Variants in DRC8 observed in about 807,000 individuals in gnomAD.
DRC8 encodes the protein dynein regulatory complex subunit 8.
chr1:245,104,550 C>T, the DRC8 span, among the ~76,000 whole-genome samples: 1 of 151,886 alleles, frequency 6.6e-6, no homozygotes, highest in African/African-American at 2.4e-5. Context: ...AAATGGACCC[C>T]CGTGTATTTA....
chr1:245,053,350 A>G, the DRC8 span, among the ~76,000 whole-genome samples: 2 of 152,156 alleles, frequency 1.3e-5, no homozygotes, highest in Non-Finnish European at 2.9e-5. Flanking sequence ...GAGAGAGGAA[A>G]AGCATTGTGC....
chr1:245,006,963 A>G, the DRC8 span, among the ~76,000 whole-genome samples: 2 of 102,046 alleles, frequency 2.0e-5, no homozygotes, highest in East Asian at 4.6e-4. Context: ...CAACAACAAC[A>G]ACAACAAAAA....
chr1:245,118,589 C>T, the DRC8 span, among the ~76,000 whole-genome samples: 3 of 151,934 alleles, frequency 2.0e-5, no homozygotes, highest in Non-Finnish European at 2.9e-5. Context: ...GTCGGGAGTA[C>T]GAGATCAGCC....
the DRC8 span, among the ~76,000 whole-genome samples, chr1:244,978,319 C>T: frequency 2.0e-5 from 3 of 152,040 alleles, no homozygotes. Flanking sequence ...CACGGGAAAA[C>T]CCCGTCTCTA....
the DRC8 span, among the ~76,000 whole-genome samples, chr1:245,098,406 C>G: frequency 1.3e-5 from 2 of 152,064 alleles, no homozygotes; most frequent in African/African-American, 4.8e-5. Context: ...AAGAGAAGGG[C>G]TCCGAGGGCT....
chr1:245,113,823 C>A, the DRC8 span, among the ~76,000 whole-genome samples: 1 of 151,910 alleles, frequency 6.6e-6, no homozygotes, highest in Non-Finnish European at 1.5e-5. Flanking sequence ...CTCTTGTCCC[C>A]AGTTTAGTTA....
chr1:244,995,732 A>T, the DRC8 span, among the ~76,000 whole-genome samples: 2 of 152,160 alleles, frequency 1.3e-5, no homozygotes, highest in Non-Finnish European at 2.9e-5. Context: ...TATCTAGATT[A>T]CCCAGTTTAT....
At chr1:245,122,568 C>T in the DRC8 span, 8 of 152,366 alleles carry the variant, frequency 5.3e-5, no homozygotes, top group South Asian at 2.1e-4. Context: ...AAGGGGTCCT[C>T]GCGCCTCAGC....
the DRC8 span, among the ~76,000 whole-genome samples, chr1:244,994,313 T>C: frequency 3.9e-5 from 6 of 152,222 alleles, no homozygotes; most frequent in Admixed American, 2.0e-4. Context: ...AAATTTTTCA[T>C]AGGTCTCCCA....
the DRC8 span, among the ~76,000 whole-genome samples, chr1:245,080,458 TG>T: frequency 2.6e-5 from 4 of 152,246 alleles, no homozygotes; most frequent in Non-Finnish European, 4.4e-5. Flanking sequence ...CGTATTATGA[TG>T]ATTTAAGATG....
chr1:245,043,157 T>C, the DRC8 span, among the ~76,000 whole-genome samples: 92,814 of 151,994 alleles, frequency 0.61, 29,223 homozygotes, highest in East Asian at 0.73. Flanking sequence ...GTTGACTGAG[T>C]GCGGTGGCTC....
At chr1:244,984,131 G>T in the DRC8 span, among the ~76,000 whole-genome samples, 28 of 151,858 alleles carry the variant, frequency 1.8e-4, no homozygotes, top group Admixed American at 6.6e-4. Flanking sequence ...ATTTTTTTGG[G>T]GGGGGGGAAT....
the DRC8 span, among the ~76,000 whole-genome samples, chr1:245,061,595 GA>G: frequency 6.6e-6 from 1 of 151,724 alleles, no homozygotes; most frequent in Non-Finnish European, 1.5e-5. Flanking sequence ...AAATGGGTGG[GA>G]AAAAAGCACA....
chr1:245,052,295 A>G, the DRC8 span, among the ~76,000 whole-genome samples: 52 of 152,260 alleles, frequency 3.4e-4, no homozygotes, highest in African/African-American at 1.2e-3. Flanking sequence ...AGAAAGTGAA[A>G]ATTGAGATGT....
At chr1:245,002,892 C>G in the DRC8 span, among the ~76,000 whole-genome samples, 1 of 152,110 alleles carries the variant, frequency 6.6e-6, no homozygotes, top group Non-Finnish European at 1.5e-5. Context: ...CCACCACCAT[C>G]CAACTTCAGA....
At chr1:244,970,018 A>G in the DRC8 span, 1 of 560,762 alleles carries the variant, frequency 1.8e-6, no homozygotes, top group Non-Finnish European at 3.2e-6. Flanking sequence ...GCCACGTCGC[A>G]CAAACAGGAC....
the DRC8 span, among the ~76,000 whole-genome samples, chr1:245,040,575 GAAT>G: frequency 3.3e-5 from 5 of 152,142 alleles, no homozygotes; most frequent in Non-Finnish European, 7.4e-5. Flanking sequence ...ATTGACATTA[GAAT>G]TAAATGAGTG....
the DRC8 span, chr1:244,969,870 G>A: frequency 2.3e-6 from 1 of 434,512 alleles, no homozygotes. Context: ...CTTCCCGGCG[G>A]GAGGCGGGCT....
At chr1:245,054,057 C>T in the DRC8 span, among the ~76,000 whole-genome samples, 5 of 151,828 alleles carry the variant, frequency 3.3e-5, 1 homozygote, top group Admixed American at 3.3e-4. Flanking sequence ...ATGCTCACAT[C>T]ATTCAGGTCT....
Sources: gnomAD v4.1 joint callset for allele counts (sites outside exome capture counted in the v4.1 genomes callset) on GRCh38, gnomAD v4.1.1 for gene constraint, MANE v1.5 for transcripts, NCBI Gene and HGNC (gene_info 2026-07-23, HGNC 2026-07-21) for gene names.